AHDC1: variants seen among roughly 807,000 people sequenced by gnomAD.
AHDC1 encodes the protein transcription factor Gibbin.
AHDC1 carries 7 observed loss-of-function variants against 87.9 expected under a neutral mutation model. The observed-to-expected ratio is 0.08, with a 90% confidence interval of 0.05 to 0.15. The LOEUF (loss-of-function observed/expected upper bound fraction) is 0.15. Among genes scored for constraint, AHDC1 ranks in the 10% least tolerant of loss-of-function variants. The pLI, the probability that AHDC1 is intolerant of heterozygous loss-of-function variation, is 1.00. For missense variants in AHDC1, 1,841 were observed against 2,253.2 expected, an observed-to-expected ratio of 0.82 and a Z score of 3.70; for synonymous variants, 1,051 against 1,006.8, an observed-to-expected ratio of 1.04 and a Z score of -0.83.
chr1:27,592,248 G>A (rs2089242193), intron 3 of AHDC1, among the ~76,000 whole-genome samples: 2 of 152,090 alleles, frequency 1.3e-5, no homozygotes, highest in East Asian at 1.9e-4. Flanking sequence ...CAGCATCCTC[G>A]CCAACCACAC....
chr1:27,579,740 C>G (rs1316232217), intron 3 of AHDC1, among the ~76,000 whole-genome samples: 2 of 152,230 alleles, frequency 1.3e-5, no homozygotes, highest in Admixed American at 1.3e-4. Flanking sequence ...CGCTTATGCA[C>G]TGTCTATGAC....
rs570162035 is a variant in AHDC1, at chr1:27,598,482, G to A, written c.-629+4915C>T. Among the ~76,000 whole-genome samples the A allele has an allele frequency of 6.6e-6, 1 of 152,322 alleles. No individual in the cohort carries two copies. Among genetic ancestry groups the A allele is most frequent in the South Asian group, 2.1e-4 (1 of 4,832 alleles). On this transcript the variant is annotated intron_variant, in intron 3 of 8. Coordinates refer to ENST00000673934, the MANE Select transcript of AHDC1 (RefSeq NM_001371928.1). The surrounding 1 kb of genome is among the most constrained non-coding windows in gnomAD (Gnocchi z 4.2). ...GGGGCCAGGAGAGGCCAGGCCTTGG[G>A]CGAAGGAGGGGCTGGGAGCCAGGGC...
rs1267361499 is a variant in AHDC1, at chr1:27,551,569, G to A, written c.547C>T (p.Arg183Trp). 3 of 1,608,752 alleles carry A rather than the reference G, an allele frequency of 1.9e-6. No individual in the cohort carries two copies. Among genetic ancestry groups the A allele is most frequent in the South Asian group, 2.2e-5 (2 of 90,830 alleles). ...TCCGACTTGGCGTGTGGGGTGGCCC[G>A]CTCCTCAGGGCTACGGATGCTGTTG... ...LANSIRSPEE[R>W]ATPHAKSERP... Residue 183 changes from arginine (R) to tryptophan (W), a missense_variant, in exon 8 of 9, where the codon CGG becomes TGG. This residue lies in a region of AHDC1 where 50 missense variants were observed against 104.3 expected (regional missense o/e 0.48). Coordinates refer to ENST00000673934, the MANE Select transcript of AHDC1 (RefSeq NM_001371928.1).
chr1:27,537,768 T>C (rs1487121410), intron 8 of AHDC1, among the ~76,000 whole-genome samples: 3 of 152,146 alleles, frequency 2.0e-5, no homozygotes, highest in African/African-American at 7.2e-5. Flanking sequence ...GCCACATTCC[T>C]CTGAGTCCTC....
intron 8 of AHDC1, among the ~76,000 whole-genome samples, chr1:27,537,650 T>C (rs1462528526): frequency 6.6e-6 from 1 of 152,148 alleles, no homozygotes; most frequent in Non-Finnish European, 1.5e-5. Context: ...CAGGAACCTA[T>C]ATGTGGTACT....
At chr1:27,599,622 A>G (rs2089476378) in intron 3 of AHDC1, among the ~76,000 whole-genome samples, 1 of 152,150 alleles carries the variant, frequency 6.6e-6, no homozygotes, top group South Asian at 2.1e-4. Flanking sequence ...TCGTCAAACA[A>G]GTGGGGGGCG....
chr1:27,603,926 T>TTCCCTCTC (rs1176303327), intron 1 of AHDC1, 63 bp from the exon 2 acceptor site: 1 of 151,328 alleles, frequency 6.6e-6, no homozygotes, highest in African/African-American at 2.4e-5. Flanking sequence ...GGTAGCTGGA[T>TTCCCTCTC]TCCCTCTCTC....
At position 27,566,089 on chromosome 1, in the gene AHDC1, A is replaced by C. The variant is rs145179809; in HGVS notation, c.-628-7206T>G. The stretch of plus-strand genomic sequence containing the variant: ...ATCTTCATAGGCCTGGGAAGGAAAC[A>C]ACCTGGTAGGAAATAGAGTAAGGAG... On this transcript the variant is annotated intron_variant, in intron 3 of 8. Coordinates refer to ENST00000673934, the MANE Select transcript of AHDC1 (RefSeq NM_001371928.1). Among the ~76,000 whole-genome samples, 15 of 152,334 alleles carry C rather than the reference A, an allele frequency of 9.8e-5. No individual in the cohort carries two copies. In the East Asian group the frequency reaches 2.9e-3, roughly 29 times the overall value.
chr1:27,585,161 G>A (rs1159260124), intron 3 of AHDC1, among the ~76,000 whole-genome samples: 1 of 148,954 alleles, frequency 6.7e-6, no homozygotes, highest in African/African-American at 2.5e-5. Flanking sequence ...TACTTGAGAA[G>A]AGAATCACCT....
rs547257066 is a variant in AHDC1 at position 27,551,324 on chromosome 1, G to A, written c.792C>T (p.Leu264=). The change falls in exon 8 of 9, where the codon CTC becomes CTT. Residue 264 remains leucine, a synonymous_variant. Coordinates refer to ENST00000673934, the MANE Select transcript of AHDC1 (RefSeq NM_001371928.1). ...PEAQLLEAQA[L]EPPSPEPEPQ... ...GCTCCGGCTCGGGCGATGGTGGCTC[G>A]AGGGCCTGGGCCTCTAGCAGCTGGG... The A allele has an allele frequency of 6.2e-6, 10 of 1,612,514 alleles. No individual in the cohort carries two copies. The East Asian group carries it at 8.9e-5, about 14-fold the overall frequency.
rs935327445 is a variant in AHDC1 at position 27,552,004 on chromosome 1, G to C, written c.112C>G (p.Leu38Val). ...CTGGCAGGGGGCCGGGTGGGAAGCA[G>C]GGGCCGGGGGGTGGGGGGGCCGCCG... ...YPGGPPTPRPLLPTRPPASPP... is the reference protein window; with the variant it reads ...YPGGPPTPRPVLPTRPPASPP... Residue 38 changes from leucine to valine, a missense_variant, in exon 8 of 9, where the codon CTG becomes GTG. Leu to Val is a conservative substitution (Grantham distance 32). Around this residue, in one of 13 missense-constraint regions of AHDC1, gnomAD observed 142 missense variants for 165.6 expected, o/e 0.86. Coordinates refer to ENST00000673934, the MANE Select transcript of AHDC1 (RefSeq NM_001371928.1). 1.4e-6 allele frequency: 2 copies of C among 1,460,774 alleles called. No homozygotes were observed. The highest frequency in any genetic ancestry group is 2.9e-5 in the African/African-American group (2 of 69,208). 90.5% of individuals were successfully genotyped at this position (1,460,774 alleles called of 1,614,324 possible). A position where few individuals can be genotyped will look rare whatever the true frequency, so the allele number is the denominator to read the frequency against.
chr1:27,539,038 T>C (rs77430938), intron 8 of AHDC1, among the ~76,000 whole-genome samples: 2,308 of 152,190 alleles, frequency 0.015, 54 homozygotes, highest in African/African-American at 0.052. Context: ...AGAAGTACCG[T>C]TGGACCTGGA....
intron 3 of AHDC1, among the ~76,000 whole-genome samples, chr1:27,589,126 G>C (rs2089151318): frequency 1.3e-5 from 2 of 152,022 alleles, no homozygotes; most frequent in African/African-American, 2.4e-5. Context: ...CCTGGGCCCA[G>C]GGTGGGGGGT....
rs2089287097 is a variant in AHDC1, at chr1:27,593,571, G to A, written c.-629+9826C>T. ...CCCCAGTCCCACAGCCACGGCTCCAGCTGGGGTCAGGCATGCCAGCTGTGC... is the reference window on the plus strand; with the variant it reads ...CCCCAGTCCCACAGCCACGGCTCCAACTGGGGTCAGGCATGCCAGCTGTGC... On this transcript the variant is annotated intron_variant, in intron 3 of 8. Transcript: ENST00000673934. The surrounding 1 kb of genome is among the most constrained non-coding windows in gnomAD (Gnocchi z 4.9). 6.6e-6 allele frequency among the ~76,000 whole-genome samples: 1 copy of A among 152,244 alleles called. No individual in the cohort carries two copies. Among genetic ancestry groups the A allele is most frequent in the Non-Finnish European group, 1.5e-5 (1 of 68,036 alleles).
chr1:27,550,126 C>T lies in AHDC1; in HGVS notation c.1990G>A (p.Gly664Ser), dbSNP rs781302637. Reference sequence around the variant, plus strand: ...GCTTTGCCCCCACGCCGCCGGAAGCCCTGCACACGATGCAGGAAGTGGGAG... The same window carrying T: ...GCTTTGCCCCCACGCCGCCGGAAGCTCTGCACACGATGCAGGAAGTGGGAG... ...SISHFLHRVQ[G>S]FRRRGGKAGG... is the part of the protein sequence containing the mutation. The change falls in exon 8 of 9, where the codon GGC (glycine) becomes AGC (serine). Residue 664 changes from glycine to serine, a missense_variant. This residue lies in a region of AHDC1 where 236 missense variants were observed against 257.9 expected (regional missense o/e 0.92). Transcript: ENST00000673934. 3 of 1,610,498 alleles carry T rather than the reference C, an allele frequency of 1.9e-6. No homozygotes were observed. Among genetic ancestry groups the T allele is most frequent in the African/African-American group, 2.7e-5 (2 of 74,950 alleles).
At chr1:27,579,769 G>C (rs2088858363) in intron 3 of AHDC1, among the ~76,000 whole-genome samples, 1 of 152,208 alleles carries the variant, frequency 6.6e-6, no homozygotes, top group African/African-American at 2.4e-5. Flanking sequence ...AGGTGCAATG[G>C]CAGAGTTAAG....
rs1457724619 is a variant in AHDC1, at chr1:27,548,657, C to T, written c.3459G>A (p.Val1153=). The change falls in exon 8 of 9, where the codon GTG becomes GTA. Residue 1153 remains valine, a synonymous_variant. Transcript: ENST00000673934. ...LDISNYTPQK[V]KQQTAVSETF... ...TCTCCGACACAGCCGTCTGCTGCTTCACCTTCTGCGGTGTGTAGTTGGAGA... is the reference window on the plus strand; with the variant it reads ...TCTCCGACACAGCCGTCTGCTGCTTTACCTTCTGCGGTGTGTAGTTGGAGA... 1 of 1,613,364 alleles carries T rather than the reference C, an allele frequency of 6.2e-7. No homozygotes were observed. Among genetic ancestry groups the T allele is most frequent in the Non-Finnish European group, 8.5e-7 (1 of 1,180,056 alleles).
At chr1:27,546,008 C>A (rs1251027132) in intron 8 of AHDC1, among the ~76,000 whole-genome samples, 3 of 152,212 alleles carry the variant, frequency 2.0e-5, no homozygotes, top group Non-Finnish European at 4.4e-5. Context: ...CAAGTTTCCA[C>A]TGACATGACT....
At chr1:27,538,675 T>C (rs1441020607) in intron 8 of AHDC1, among the ~76,000 whole-genome samples, 3 of 151,932 alleles carry the variant, frequency 2.0e-5, no homozygotes, top group Admixed American at 6.6e-5. Context: ...TCACCACACC[T>C]GGCTAATTAT....
Sources: gnomAD v4.1 joint callset for allele counts (sites outside exome capture counted in the v4.1 genomes callset) on GRCh38, gnomAD v4.1.1 for gene constraint, gnomAD v4.1.1 regional missense constraint, Gnocchi (gnomAD v3.1) non-coding constraint, MANE v1.5 for transcripts, NCBI Gene and HGNC (gene_info 2026-07-23, HGNC 2026-07-21) for gene names.